Variants in DMD observed in about 807,000 individuals in gnomAD.
DMD encodes the protein mutant dystrophin.
A neutral mutation model predicts 330.1 loss-of-function variants in DMD; 63 were observed. The ratio of observed to expected loss-of-function variants is 0.19; its 90% CI spans 0.16 to 0.24. The LOEUF (loss-of-function observed/expected upper bound fraction) is 0.24, where lower values mean the gene tolerates loss of function less well. Among genes scored for constraint, DMD ranks in the 10% least tolerant of loss-of-function variants. The pLI, the probability that DMD is intolerant of heterozygous loss-of-function variation, is 1.00. For missense variants in DMD, 3,344 were observed against 2,684.1 expected, an observed-to-expected ratio of 1.25 and a Z score of -5.43; for synonymous variants, 1,223 against 959.8, an observed-to-expected ratio of 1.27 and a Z score of -5.07.
chrX:32,657,182 T>C (rs1463771287), intron 9 of DMD, among the ~76,000 whole-genome samples: 2 of 110,614 alleles, frequency 1.8e-5, no homozygotes, highest in Non-Finnish European at 3.8e-5. Context: ...ATCCACACAA[T>C]AGAACCTTTC....
At chrX:32,925,145 GTTTTT>G (rs777224221) in intron 2 of DMD, among the ~76,000 whole-genome samples, 630 of 48,496 alleles carry the variant, frequency 0.013, 17 homozygotes, top group African/African-American at 0.048. Flanking sequence ...AAAACTCTGG[GTTTTT>G]TTTTTTTTTT....
rs2095345395 is a variant in DMD at position 31,965,745 on chromosome X, C to A, written c.6614+2594G>T. The stretch of plus-strand genomic sequence containing the variant: ...AAGACAGTTTTGGTGGCTACGCCAT[C>A]ATTAAACTCATTATTATCATGCTTA... On this transcript the variant is annotated intron_variant, in intron 45 of 78. Transcript: ENST00000357033. 1.8e-5 allele frequency among the ~76,000 whole-genome samples: 2 copies of A among 111,461 alleles called. 1 individual carries two copies. Among genetic ancestry groups the A allele is most frequent in the Admixed American group, 1.9e-4 (2 of 10,480 alleles).
rs939635685 is a variant in DMD, at chrX:32,206,534, A to G, written c.6438+10382T>C. 2.6e-5 allele frequency: 15 copies of G among 582,121 alleles called. No homozygotes were observed. The African/African-American group carries it at 2.9e-4, about 11-fold the overall frequency. The allele number at this position is 582,121 out of a possible 1,213,427, so 48.0% of individuals were successfully genotyped here. On this transcript the variant is annotated intron_variant, in intron 44 of 78. Coordinates refer to ENST00000357033, the MANE Select transcript of DMD (RefSeq NM_004006.3). ...CAACACCAAGATCAAAAGGACAAGA[A>G]TCCTTCAAAACAAGGAAAAACTCCT...
intron 44 of DMD, among the ~76,000 whole-genome samples, chrX:32,154,474 C>T (rs1270664338): frequency 1.8e-5 from 2 of 112,175 alleles, no homozygotes; most frequent in Non-Finnish European, 3.8e-5. Flanking sequence ...AAGAAATTTT[C>T]ATCCTAAAAC....
chrX:32,325,203 T>C (rs537477457), intron 41 of DMD, among the ~76,000 whole-genome samples: 5 of 111,078 alleles, frequency 4.5e-5, no homozygotes, highest in African/African-American at 1.6e-4. Context: ...AAAGACTAAA[T>C]TGTAGACTTT....
intron 44 of DMD, among the ~76,000 whole-genome samples, chrX:31,992,840 A>C (rs1456928673): frequency 2.7e-5 from 3 of 111,930 alleles, no homozygotes; most frequent in Non-Finnish European, 5.6e-5. Flanking sequence ...CTCTGTGATC[A>C]CCAAAAATCT....
At chrX:31,714,244 T>G (rs5927816) in intron 52 of DMD, among the ~76,000 whole-genome samples, 49,058 of 109,871 alleles carry the variant, frequency 0.45, 8,945 homozygotes, top group African/African-American at 0.66. Context: ...ATATGAGAGA[T>G]AAATTTGGAA....
At chrX:32,972,480 T>TA (rs749479257) in intron 2 of DMD, among the ~76,000 whole-genome samples, 1 of 111,976 alleles carries the variant, frequency 8.9e-6, no homozygotes, top group African/African-American at 3.2e-5. Flanking sequence ...GTGCCCAGCC[T>TA]AAAAAAATTG....
At chrX:31,236,430 G>T (rs1430773102) in intron 63 of DMD, among the ~76,000 whole-genome samples, 2 of 112,504 alleles carry the variant, frequency 1.8e-5, no homozygotes, top group Non-Finnish European at 3.7e-5. Context: ...TCCTCCTTGC[G>T]GTGGAGAAAT....
At position 32,740,686 on chromosome X, in the gene DMD, A is replaced by G. The variant is rs186740610; in HGVS notation, c.650-41393T>C. ...CTCATCTTTTGGAGGGCATAAACTCATGGAAGACTTTCTTAATTAGACCAT... is the reference window on the plus strand; with the variant it reads ...CTCATCTTTTGGAGGGCATAAACTCGTGGAAGACTTTCTTAATTAGACCAT... On this transcript the variant is annotated intron_variant, in intron 7 of 78. Coordinates refer to ENST00000357033, the MANE Select transcript of DMD (RefSeq NM_004006.3). Among the ~76,000 whole-genome samples the G allele has an allele frequency of 3.8e-3, 419 of 111,732 alleles. 5 individuals carry two copies. The highest frequency in any genetic ancestry group is 0.027 in the Admixed American group (284 of 10,490).
chrX:32,966,463 A>G (rs1217997550), intron 2 of DMD, among the ~76,000 whole-genome samples: 4 of 111,801 alleles, frequency 3.6e-5, no homozygotes, highest in African/African-American at 1.3e-4. Context: ...CTGGGATACA[A>G]GATCTATGTA....
chrX:31,519,317 T>C (rs1166578526), intron 55 of DMD, among the ~76,000 whole-genome samples: 3 of 112,355 alleles, frequency 2.7e-5, no homozygotes, highest in Non-Finnish European at 5.6e-5. Context: ...TGGTTCAAGG[T>C]TGTATATTAG....
chrX:32,103,849 C>A (rs2096551738), intron 44 of DMD, among the ~76,000 whole-genome samples: 1 of 111,831 alleles, frequency 8.9e-6, no homozygotes, highest in South Asian at 3.7e-4. Context: ...TCTTATATAA[C>A]CTTTTTTCCC....
chrX:32,045,976 T>C (rs1266168683), intron 44 of DMD, among the ~76,000 whole-genome samples: 1 of 112,180 alleles, frequency 8.9e-6, no homozygotes, highest in Non-Finnish European at 1.9e-5. Flanking sequence ...TTGATGTATG[T>C]ATCCCAAATG....
chrX:32,433,920 G>T (rs915157389), intron 29 of DMD, among the ~76,000 whole-genome samples: 3 of 111,869 alleles, frequency 2.7e-5, no homozygotes, highest in Non-Finnish European at 3.8e-5. Flanking sequence ...GTCTGTTGGA[G>T]ATGTTGCCTG....
chrX:32,573,674 C>T (rs1043376172), intron 14 of DMD, 37 bp from the exon 15 acceptor site: 1 of 1,196,438 alleles, frequency 8.4e-7, no homozygotes, highest in Non-Finnish European at 1.1e-6. Context: ...AATAAATAAA[C>T]ATAAATCTTT....
chrX:31,218,383 G>A (rs141630395), intron 64 of DMD, among the ~76,000 whole-genome samples: 1,253 of 110,399 alleles, frequency 0.011, 22 homozygotes, highest in African/African-American at 0.039. Flanking sequence ...GCAGGGGCAG[G>A]GGCAGGTGAA....
Position 31,943,765 on chromosome X carries a change from A to G in DMD, c.6615-11538T>C, listed in dbSNP as rs189679806. The stretch of plus-strand genomic sequence containing the variant: ...GTCTGTATTTTGAATTCCTCGTGGT[A>G]GTAATTCTTTCCACCCCCAGAAAAA... On this transcript the variant is annotated intron_variant, in intron 45 of 78. Transcript: ENST00000357033. Among the ~76,000 whole-genome samples, 108 of 110,360 alleles carry G rather than the reference A, an allele frequency of 9.8e-4. 1 individual carries two copies. The highest frequency in any genetic ancestry group is 3.5e-3 in the African/African-American group (105 of 30,395).
intron 67 of DMD, among the ~76,000 whole-genome samples, chrX:31,193,116 G>A (rs149762635): frequency 1.8e-5 from 2 of 111,328 alleles, no homozygotes; most frequent in Non-Finnish European, 3.8e-5. Flanking sequence ...ACAGGTGCGG[G>A]TCCATATATA....
Sources: gnomAD v4.1 joint callset for allele counts (sites outside exome capture counted in the v4.1 genomes callset) on GRCh38, gnomAD v4.1.1 for gene constraint, MANE v1.5 for transcripts, NCBI Gene and HGNC (gene_info 2026-07-23, HGNC 2026-07-21) for gene names.